The following RPL34 variants were observed in gnomAD, a reference collection of about 807,000 sequenced individuals.
RPL34 encodes large ribosomal subunit protein eL34.
RPL34 carries 2 observed loss-of-function variants against 16.3 expected under a neutral mutation model. The observed-to-expected ratio is 0.12, with a 90% confidence interval of 0.05 to 0.39. The LOEUF is 0.39. Ranked by LOEUF, RPL34 falls within the 10% of genes least tolerant of loss-of-function variation. RPL34 has a pLI of 0.99. For missense variants in RPL34, 82 were observed against 148.8 expected, an observed-to-expected ratio of 0.55 and a Z score of 2.33; for synonymous variants, 47 against 48.5, an observed-to-expected ratio of 0.97 and a Z score of 0.13.
chr4:108,624,898 G>T (rs1256022080), intron 4 of RPL34, among the ~76,000 whole-genome samples: 2 of 152,148 alleles, frequency 1.3e-5, no homozygotes, highest in South Asian at 2.1e-4. Flanking sequence ...TGACTTCATA[G>T]TTTATCTTGA....
intron 1 of RPL34, chr4:108,620,980 G>A (rs1468369735): frequency 6.6e-6 from 1 of 152,220 alleles, no homozygotes; most frequent in African/African-American, 2.4e-5. Flanking sequence ...GGCAGGGTCC[G>A]GCGAGTTCGG....
downstream of RPL34, among the ~76,000 whole-genome samples, chr4:108,627,590 G>A (rs1004814330): frequency 2.0e-5 from 3 of 151,886 alleles, no homozygotes; most frequent in Non-Finnish European, 2.9e-5. Context: ...CGCCAGGCGC[G>A]GTGGCTCACG....
chr4:108,630,343 A>G (rs1726133869), downstream of RPL34: 1 of 152,186 alleles, frequency 6.6e-6, no homozygotes, highest in Non-Finnish European at 1.5e-5. Context: ...ATAAGTACTT[A>G]TTAATACTTC....
At position 108,621,935 on chromosome 4, in the gene RPL34, T is replaced by C; in HGVS notation, c.-9-16T>C. ...TTACAATGGAAAGATTTGATGTTAC[T>C]CTATTCTTAATTTAGGCACTCAGAA... On this transcript the variant is annotated splice_polypyrimidine_tract_variant and intron_variant, in intron 1 of 4. Transcript: ENST00000394667. The C allele has an allele frequency of 6.5e-7, 1 of 1,539,024 alleles. No homozygotes were observed. The highest frequency in any genetic ancestry group is 9.0e-7 in the Non-Finnish European group (1 of 1,113,362).
At position 108,623,541 on chromosome 4, in the gene RPL34, C is replaced by G. The variant is rs1379127778; in HGVS notation, c.269+923C>G. On this transcript the variant is annotated intron_variant, in intron 4 of 4. Coordinates refer to ENST00000394667, the MANE Select transcript of RPL34 (RefSeq NM_001319236.2). ...TCTTCTGCCTCAGCCTCCTGAATAG[C>G]TGGGACTGCAGGCACATGCCACCAC... is the stretch of plus-strand genomic sequence containing the variant. Among the ~76,000 whole-genome samples the G allele has an allele frequency of 6.6e-5, 10 of 152,140 alleles. No individual in the cohort carries two copies. The East Asian group carries it at 1.9e-3, about 29-fold the overall frequency.
intron 1 of RPL34, chr4:108,620,979 CGGCGAGTTCGGGTG>C (rs1716458290): frequency 6.6e-6 from 1 of 152,166 alleles, no homozygotes; most frequent in Non-Finnish European, 1.5e-5. Flanking sequence ...GGGCAGGGTC[CGGCGAGTTCGGGTG>C]GTTTCGCTAT....
Position 108,625,326 on chromosome 4 carries a change from A to T in RPL34, c.*114A>T. Reference sequence around the variant, plus strand: ...TTTTGTTTCTGTATGGTATTTGGGGACCCTATAGTTTTTAGCAGATTACTT... The same window carrying T: ...TTTTGTTTCTGTATGGTATTTGGGGTCCCTATAGTTTTTAGCAGATTACTT... On this transcript the variant is annotated 3_prime_UTR_variant, in exon 5 of 5. Coordinates refer to ENST00000394667, the MANE Select transcript of RPL34 (RefSeq NM_001319236.2). 3.3e-6 allele frequency: 2 copies of T among 597,852 alleles called. No individual in the cohort carries two copies. The highest frequency in any genetic ancestry group is 2.2e-5 in the South Asian group (1 of 45,722). The allele number at this position is 597,852 out of a possible 1,614,324, so 37.0% of individuals were successfully genotyped here. A position where few individuals can be genotyped will look rare whatever the true frequency, so the allele number is the denominator to read the frequency against.
chr4:108,630,363 A>T (rs1031254643), downstream of RPL34: 11 of 152,128 alleles, frequency 7.2e-5, no homozygotes, highest in African/African-American at 2.4e-4. Flanking sequence ...CGATTCTGTA[A>T]AGAGTTTAGG....
At chr4:108,627,194 G>A (rs1415030395), downstream of RPL34, among the ~76,000 whole-genome samples, 12 of 151,886 alleles carry the variant, frequency 7.9e-5, no homozygotes, top group South Asian at 2.1e-4. Context: ...AGCCAAGATC[G>A]CGCCACTGTA....
chr4:108,622,069 A>G (rs1725802649), intron 2 of RPL34, 36 bp from the exon 3 acceptor site: 9 of 1,595,748 alleles, frequency 5.6e-6, no homozygotes, highest in Non-Finnish European at 7.7e-6. Context: ...CATTTACTCT[A>G]CAAAATGCTG....
At chr4:108,630,421 T>C (rs1393389450), downstream of RPL34, 2 of 152,206 alleles carry the variant, frequency 1.3e-5, no homozygotes, top group Non-Finnish European at 2.9e-5. Context: ...AATCCAGTTC[T>C]CTATGTGACC....
chr4:108,622,283 C>G (rs1398554684), intron 3 of RPL34, 79 bp downstream of exon 3: 1 of 1,075,954 alleles, frequency 9.3e-7, no homozygotes, highest in Non-Finnish European at 1.4e-6. Context: ...TGGAATGAAT[C>G]AAGGAGAGGT....
At chr4:108,627,769 G>T (rs188302981), downstream of RPL34, among the ~76,000 whole-genome samples, 10 of 151,592 alleles carry the variant, frequency 6.6e-5, no homozygotes, top group Non-Finnish European at 1.3e-4. Context: ...GAATGAGGCA[G>T]AAGAATCGCT....
downstream of RPL34, among the ~76,000 whole-genome samples, chr4:108,627,252 C>A (rs1004845727): frequency 2.0e-5 from 3 of 151,462 alleles, no homozygotes; most frequent in Non-Finnish European, 4.4e-5. Flanking sequence ...AAAAAAAACA[C>A]CTTTTCTTAG....
chr4:108,625,207 A>T lies in RPL34; in HGVS notation c.349A>T (p.Lys117Ter). 6.3e-7 allele frequency: 1 copy of T among 1,598,966 alleles called. No homozygotes were observed. ...LKAQAQSQKA[K>*] Reference sequence around the variant, plus strand: ...GGCACAAGCACAGAGTCAGAAAGCTAAATAAAAAAATGAAACTTTTTTGAG... The same window carrying T: ...GGCACAAGCACAGAGTCAGAAAGCTTAATAAAAAAATGAAACTTTTTTGAG... Residue 117 changes from lysine (K) to a stop codon, truncating the protein, a stop_gained, in exon 5 of 5, where the codon AAA becomes TAA. Transcript: ENST00000394667. LOFTEE classifies it high-confidence loss of function.
At chr4:108,630,272 C>G (rs1480942058), downstream of RPL34, 1 of 152,128 alleles carries the variant, frequency 6.6e-6, no homozygotes, top group Non-Finnish European at 1.5e-5. Context: ...ATAGTATGCT[C>G]TTGGTACCAG....
downstream of RPL34, among the ~76,000 whole-genome samples, chr4:108,626,916 A>C (rs182946504): frequency 1.6e-3 from 249 of 152,262 alleles, no homozygotes; most frequent in African/African-American, 5.9e-3. Flanking sequence ...ACTTAAGCAG[A>C]GGAGAGTTAC....
chr4:108,622,215 C>T lies in RPL34; in HGVS notation c.165+11C>T, dbSNP rs761336396. On this transcript the variant is annotated intron_variant, in intron 3 of 4. Coordinates refer to ENST00000394667, the MANE Select transcript of RPL34 (RefSeq NM_001319236.2). ...GGCAGACTTCGAGGGGTAAGTGTAC[C>T]TTTTACTGTGTGCAGCCTAACAAGT... 13 of 1,576,304 alleles carry T rather than the reference C, an allele frequency of 8.2e-6. No individual in the cohort carries two copies. The highest frequency in any genetic ancestry group is 1.0e-5 in the Non-Finnish European group (12 of 1,151,202).
At chr4:108,620,912 T>C (rs1176063831) in intron 1 of RPL34, 1 of 152,366 alleles carries the variant, frequency 6.6e-6, no homozygotes, top group East Asian at 1.9e-4. Flanking sequence ...CCAAACGTTT[T>C]CATATTTTAC....
Sources: gnomAD v4.1 joint callset for allele counts (sites outside exome capture counted in the v4.1 genomes callset) on GRCh38, gnomAD v4.1.1 for gene constraint, MANE v1.5 for transcripts, NCBI Gene and HGNC (gene_info 2026-07-23, HGNC 2026-07-21) for gene names.